MYT1L: variants seen among roughly 807,000 people sequenced by gnomAD.
The protein encoded by MYT1L is myelin transcription factor 1 like, also known as myelin transcription factor 1-like protein.
In MYT1L, 12 loss-of-function variants were observed where a neutral mutation model predicts 126.7. The observed-to-expected ratio is 0.09, with a 90% CI of 0.06 to 0.15. MYT1L has a LOEUF of 0.15. Ranked by LOEUF, MYT1L falls within the 10% of genes least tolerant of loss-of-function variation. The pLI is 1.00. For synonymous variants in MYT1L, 541 were observed against 604.2 expected, an observed-to-expected ratio of 0.90 and a Z score of 1.53; for missense variants, 979 against 1,585.2, an observed-to-expected ratio of 0.62 and a Z score of 6.49.
intron 2 of MYT1L, among the ~76,000 whole-genome samples, chr2:2,268,737 C>A (rs1194633667): frequency 6.6e-6 from 1 of 152,102 alleles, no homozygotes; most frequent in African/African-American, 2.4e-5. Context: ...TAACCCGCGG[C>A]AGTTGTTAAC....
chr2:2,154,635 C>T (rs2086417161), intron 3 of MYT1L, among the ~76,000 whole-genome samples: 1 of 152,156 alleles, frequency 6.6e-6, no homozygotes, highest in African/African-American at 2.4e-5. Flanking sequence ...GAAGAGAATA[C>T]ATGAACACAT....
At chr2:2,221,495 T>C (rs1411965551) in intron 2 of MYT1L, among the ~76,000 whole-genome samples, 1 of 152,052 alleles carries the variant, frequency 6.6e-6, no homozygotes, top group Non-Finnish European at 1.5e-5. Flanking sequence ...CACTGTAGTC[T>C]GAATTTAAGA....
intron 13 of MYT1L, among the ~76,000 whole-genome samples, chr2:1,907,370 C>T (rs2051227150): frequency 6.6e-6 from 1 of 152,050 alleles, no homozygotes; most frequent in African/African-American, 2.4e-5. Flanking sequence ...ACTCAGCATC[C>T]AAAGGTGAGG....
intron 4 of MYT1L, among the ~76,000 whole-genome samples, chr2:2,007,988 GA>G (rs1426855617): frequency 6.6e-6 from 1 of 152,186 alleles, no homozygotes; most frequent in Non-Finnish European, 1.5e-5. Context: ...CATTATTCCG[GA>G]GGTCCTGCAG....
chr2:2,026,851 A>G (rs1292269321), intron 4 of MYT1L, among the ~76,000 whole-genome samples: 1 of 152,132 alleles, frequency 6.6e-6, no homozygotes, highest in Non-Finnish European at 1.5e-5. Flanking sequence ...GGGTCTTGAG[A>G]AAACCTGCCC....
intron 8 of MYT1L, among the ~76,000 whole-genome samples, chr2:1,947,239 T>C (rs899244275): frequency 2.6e-5 from 4 of 152,194 alleles, no homozygotes; most frequent in Admixed American, 2.6e-4. Context: ...TTCTCCCTGC[T>C]CATTCACACG....
intron 4 of MYT1L, among the ~76,000 whole-genome samples, chr2:2,003,002 T>C (rs1278750299): frequency 1.3e-5 from 2 of 152,174 alleles, no homozygotes; most frequent in Non-Finnish European, 2.9e-5. Flanking sequence ...CTTTTCTTTA[T>C]AAATTAGTCT....
intron 4 of MYT1L, among the ~76,000 whole-genome samples, chr2:2,018,814 C>T (rs142799577): frequency 1.8e-4 from 28 of 152,278 alleles, no homozygotes; most frequent in African/African-American, 6.0e-4. Flanking sequence ...AGAGGCCCTG[C>T]AGTTCCTCAA....
At position 2,228,208 on chromosome 2, in the gene MYT1L, C is replaced by T. The variant is rs2094065223; in HGVS notation, c.-420-55220G>A. ...GGCAAGGGGGTGATTCTGTAATATA[C>T]ATTTTGTATCAGGTTTGAATATCTG... On this transcript the variant is annotated intron_variant, in intron 2 of 24. Transcript: ENST00000647738. This position sits in a 1 kb window ranked among gnomAD's most constrained non-coding sequence, Gnocchi z 5.9. 6.6e-6 allele frequency among the ~76,000 whole-genome samples: 1 copy of T among 152,142 alleles called. No homozygotes were observed. Among genetic ancestry groups the T allele is most frequent in the Admixed American group, 6.6e-5 (1 of 15,262 alleles).
intron 8 of MYT1L, among the ~76,000 whole-genome samples, chr2:1,958,234 G>C (rs2058669981): frequency 6.6e-6 from 1 of 152,238 alleles, no homozygotes; most frequent in South Asian, 2.1e-4. Flanking sequence ...ATGGAACCCA[G>C]ACAGCTGGAG....
chr2:2,089,521 G>A (rs2076696672), intron 3 of MYT1L, among the ~76,000 whole-genome samples: 1 of 152,208 alleles, frequency 6.6e-6, no homozygotes, highest in South Asian at 2.1e-4. Context: ...GTGGGATCTA[G>A]AGAGGACTTG....
chr2:2,312,497 C>A (rs2095989593), intron 1 of MYT1L, among the ~76,000 whole-genome samples: 1 of 152,000 alleles, frequency 6.6e-6, no homozygotes, highest in South Asian at 2.1e-4. Context: ...CCTGCAGTCC[C>A]AGCTACTCAG....
chr2:1,803,956 G>A (rs558267548), intron 22 of MYT1L, among the ~76,000 whole-genome samples: 2 of 152,188 alleles, frequency 1.3e-5, no homozygotes, highest in Non-Finnish European at 2.9e-5. Context: ...GCGCCTCGGC[G>A]TGAAGCCCCC....
At chr2:2,178,299 C>T (rs1327316427) in intron 2 of MYT1L, among the ~76,000 whole-genome samples, 1 of 152,148 alleles carries the variant, frequency 6.6e-6, no homozygotes, top group Non-Finnish European at 1.5e-5. Context: ...CCCAGACCCC[C>T]AAGCCATTTG....
chr2:2,228,869 C>A lies in MYT1L; in HGVS notation c.-421+55535G>T, dbSNP rs1479349104. Among the ~76,000 whole-genome samples, 1 of 152,036 alleles carries A rather than the reference C, an allele frequency of 6.6e-6. No homozygotes were observed. Among genetic ancestry groups the A allele is most frequent in the Non-Finnish European group, 1.5e-5 (1 of 68,008 alleles). On this transcript the variant is annotated intron_variant, in intron 2 of 24. Coordinates refer to ENST00000647738, the MANE Select transcript of MYT1L (RefSeq NM_001303052.2). The surrounding 1 kb of genome is among the most constrained non-coding windows in gnomAD (Gnocchi z 5.9). ...AATAAATTTGTGCTCAATATTAGCA[C>A]ATATTAACAATCTTTTTAAAAAATA...
intron 3 of MYT1L, among the ~76,000 whole-genome samples, chr2:2,170,411 T>C (rs1233426614): frequency 1.3e-5 from 2 of 152,234 alleles, no homozygotes; most frequent in East Asian, 3.9e-4. Flanking sequence ...CCATGCCATT[T>C]GCTCGCTGTT....
intron 8 of MYT1L, among the ~76,000 whole-genome samples, chr2:1,959,891 ATTATACAT>A (rs534794436): frequency 1.2e-4 from 18 of 152,232 alleles, no homozygotes; most frequent in Non-Finnish European, 2.5e-4. Context: ...CTTATTATGA[ATTATACAT>A]TTAGATAGAA....
intron 5 of MYT1L, among the ~76,000 whole-genome samples, chr2:1,994,563 G>T (rs562776600): frequency 6.6e-6 from 1 of 152,300 alleles, no homozygotes; most frequent in Non-Finnish European, 1.5e-5. Flanking sequence ...CAGATGTGTG[G>T]CTACGGTGCT....
chr2:2,269,009 C>T (rs546780888), intron 2 of MYT1L, among the ~76,000 whole-genome samples: 19 of 152,148 alleles, frequency 1.2e-4, no homozygotes, highest in Admixed American at 3.3e-4. Context: ...CCCAAGCATT[C>T]GGGGCGATGT....
Sources: gnomAD v4.1 joint callset for allele counts (sites outside exome capture counted in the v4.1 genomes callset) on GRCh38, gnomAD v4.1.1 for gene constraint, Gnocchi (gnomAD v3.1) non-coding constraint, MANE v1.5 for transcripts, NCBI Gene and HGNC (gene_info 2026-07-23, HGNC 2026-07-21) for gene names.